Variants in PLEKHG6 observed in about 807,000 individuals in gnomAD.
PLEKHG6 encodes the protein pleckstrin homology domain-containing family G member 6.
A neutral mutation model predicts 97.5 loss-of-function variants in PLEKHG6; 91 were observed. That is an observed-to-expected ratio of 0.93 (90% CI 0.79 to 1.11). PLEKHG6 has a LOEUF of 1.11. PLEKHG6 is among the 50% of genes most tolerant of loss of function. PLEKHG6 has a pLI of 0.00. For missense variants in PLEKHG6, 1,044 were observed against 1,031.0 expected, an observed-to-expected ratio of 1.01 and a Z score of -0.17; for synonymous variants, 466 against 425.5, an observed-to-expected ratio of 1.10 and a Z score of -1.17.
At chr12:6,314,744 A>G (rs763529370) in intron 3 of PLEKHG6, among the ~76,000 whole-genome samples, 20 of 152,012 alleles carry the variant, frequency 1.3e-4, no homozygotes, top group Admixed American at 7.2e-4. Flanking sequence ...ACCCCTCTCC[A>G]GGGACCTTTC....
chr12:6,317,480 A>AGGCTGAGTTCACCACTAGGCAG, intron 8 of PLEKHG6, 67 bp downstream of exon 8: 1 of 1,611,672 alleles, frequency 6.2e-7, no homozygotes. Flanking sequence ...GCTGAGCCTG[A>AGGCTGAGTTCACCACTAGGCAG]GGCTGAGTTC....
rs186384085 is a variant in PLEKHG6 at position 6,317,835 on chromosome 12, C to A, written c.1018-22C>A. On this transcript the variant is annotated intron_variant, in intron 9 of 15. Coordinates refer to ENST00000684764, the MANE Select transcript of PLEKHG6 (RefSeq NM_001384598.1). Reference sequence around the variant, plus strand: ...GGGGACGGCTGAGCCGTCCCTCCTCCCACACCCCCAACCCCACCTAGATTG... The same window carrying A: ...GGGGACGGCTGAGCCGTCCCTCCTCACACACCCCCAACCCCACCTAGATTG... 2.0e-4 allele frequency: 311 copies of A among 1,542,584 alleles called. 2 individuals carry two copies. The African/African-American group carries it at 4.1e-3, about 20-fold the overall frequency.
chr12:6,327,435 C>T lies in PLEKHG6; in HGVS notation c.1852C>T (p.Arg618Cys), dbSNP rs1043225952. The T allele has an allele frequency of 3.7e-5, 60 of 1,613,892 alleles. 1 individual carries two copies. In the Admixed American group the frequency reaches 7.0e-4, roughly 19 times the overall value. The change falls in exon 15 of 16, where the codon CGC (arginine) becomes TGC (cysteine). Residue 618 changes from arginine (R) to cysteine (C), a missense_variant. Physicochemically the swap from Arg to Cys is radical, Grantham distance 180. Coordinates refer to ENST00000684764, the MANE Select transcript of PLEKHG6 (RefSeq NM_001384598.1). ...LRQRALRRDP[R>C]LTFSTLELRD... Reference sequence around the variant, plus strand: ...CCAAAGAGCCCTTCGGCGGGACCCTCGCCTCACCTTCTCCACCCTGGAACT... The same window carrying T: ...CCAAAGAGCCCTTCGGCGGGACCCTTGCCTCACCTTCTCCACCCTGGAACT...
rs938491990 is a variant in PLEKHG6 at position 6,315,809 on chromosome 12, G to A, written c.556-60G>A. The A allele has an allele frequency of 7.0e-7, 1 of 1,426,536 alleles. No individual in the cohort carries two copies. Among genetic ancestry groups the A allele is most frequent in the Non-Finnish European group, 9.6e-7 (1 of 1,041,614 alleles). The allele number at this position is 1,426,536 out of a possible 1,614,324, so 88.4% of individuals were successfully genotyped here. A position where few individuals can be genotyped will look rare whatever the true frequency, so the allele number is the denominator to read the frequency against. ...GCAGTACTGAAGTTGGTGGGGGGTG[G>A]GAGGTGACGACACTGAAGGGCTGCG... On this transcript the variant is annotated intron_variant, in intron 5 of 15. Coordinates refer to ENST00000684764, the MANE Select transcript of PLEKHG6 (RefSeq NM_001384598.1). The surrounding 1 kb of genome is among the most constrained non-coding windows in gnomAD (Gnocchi z 4.5).
At chr12:6,317,498 G>C (rs780192285) in intron 8 of PLEKHG6, 49 bp from the exon 9 acceptor site, 1 of 1,612,430 alleles carries the variant, frequency 6.2e-7, no homozygotes. Context: ...TTCACCACTA[G>C]GCAGGGCAGG....
In PLEKHG6 at chr12:6,327,914, C is replaced by T. The variant is rs1165531377; in HGVS notation, c.2331C>T (p.His777=). The T allele has an allele frequency of 3.4e-6, 5 of 1,482,478 alleles. No individual in the cohort carries two copies. The highest frequency in any genetic ancestry group is 4.5e-6 in the Non-Finnish European group (5 of 1,116,792). The allele number at this position is 1,482,478 out of a possible 1,614,324, so 91.8% of individuals were successfully genotyped here. A position where few individuals can be genotyped will look rare whatever the true frequency, so the allele number is the denominator to read the frequency against. ...RAQLQRMRGP[H]IIQLDTPLSA... ...AGCTGCAGAGGATGCGGGGGCCCCA[C>T]ATCATTCAGCTGGACACCCCTCTGT... Residue 777 remains histidine, a synonymous_variant, in exon 15 of 16, where the codon CAC becomes CAT. Transcript: ENST00000684764.
chr12:6,322,466 G>A (rs1257749758), intron 13 of PLEKHG6, among the ~76,000 whole-genome samples: 3 of 152,162 alleles, frequency 2.0e-5, no homozygotes, highest in East Asian at 3.8e-4. Context: ...CCCTGCTTCC[G>A]GCTCGGTTCA....
At chr12:6,312,404 A>T (rs778671892) in intron 2 of PLEKHG6, 40 bp downstream of exon 2, 1 of 1,550,812 alleles carries the variant, frequency 6.4e-7, no homozygotes. Context: ...CTGGTGGGGC[A>T]GGAGGGAAGA....
intron 13 of PLEKHG6, chr12:6,319,347 C>G (rs1947619322): frequency 1.6e-6 from 1 of 633,732 alleles, no homozygotes; most frequent in East Asian, 2.8e-5. Flanking sequence ...ACTTGGGAGG[C>G]TGAGGCAGGA....
intron 13 of PLEKHG6, chr12:6,319,639 C>T: frequency 1.3e-6 from 2 of 1,536,022 alleles, no homozygotes; most frequent in Non-Finnish European, 1.7e-6. Flanking sequence ...CTGTGCCAGC[C>T]ACTGGGAGAG....
At position 6,315,691 on chromosome 12, in the gene PLEKHG6, C is replaced by A. The variant is rs1482673506; in HGVS notation, c.555+42C>A. ...CCCAGCCCCGGCCCCATCTTCCCTGCATGAGCCCCCATCCTCCCAGACTGG... is the reference window on the plus strand; with the variant it reads ...CCCAGCCCCGGCCCCATCTTCCCTGAATGAGCCCCCATCCTCCCAGACTGG... On this transcript the variant is annotated intron_variant, in intron 5 of 15. Transcript: ENST00000684764. This position sits in a 1 kb window ranked among gnomAD's most constrained non-coding sequence, Gnocchi z 4.5. 7.6e-7 allele frequency: 1 copy of A among 1,321,312 alleles called. No homozygotes were observed. The highest frequency in any genetic ancestry group is 1.1e-6 in the Non-Finnish European group (1 of 945,262). The allele number at this position is 1,321,312 out of a possible 1,614,324, so 81.8% of individuals were successfully genotyped here.
chr12:6,312,634 G>C, intron 2 of PLEKHG6: 1 of 1,259,648 alleles, frequency 7.9e-7, no homozygotes, highest in Non-Finnish European at 1.0e-6. Context: ...CTCAGACAAA[G>C]AGCTGCGGGT....
In PLEKHG6 at chr12:6,313,799, C is replaced by G. The variant is rs775728532; in HGVS notation, c.294+15C>G. ...CCAAACTCAAGGTAAGGGGGTCCCT[C>G]TCCTCCCATCCCCACACATACGGCC... On this transcript the variant is annotated intron_variant, in intron 3 of 15. Coordinates refer to ENST00000684764, the MANE Select transcript of PLEKHG6 (RefSeq NM_001384598.1). 6.5e-7 allele frequency: 1 copy of G among 1,549,030 alleles called. No individual in the cohort carries two copies. Among genetic ancestry groups the G allele is most frequent in the South Asian group, 1.2e-5 (1 of 80,902 alleles).
At chr12:6,312,655 A>C in intron 2 of PLEKHG6, 1 of 1,218,500 alleles carries the variant, frequency 8.2e-7, no homozygotes, top group South Asian at 2.5e-5. Flanking sequence ...AAGGTCATCA[A>C]ACCCCAGAGC....
At chr12:6,319,349 G>A (rs1333992966) in intron 13 of PLEKHG6, 6 of 635,356 alleles carry the variant, frequency 9.4e-6, no homozygotes, top group African/African-American at 9.1e-5. Flanking sequence ...TTGGGAGGCT[G>A]AGGCAGGAGA....
chr12:6,323,945 C>T (rs1271650508), intron 13 of PLEKHG6, among the ~76,000 whole-genome samples: 1 of 152,088 alleles, frequency 6.6e-6, no homozygotes, highest in Non-Finnish European at 1.5e-5. Flanking sequence ...TTTAGTCCGG[C>T]ACTGGGGAGT....
chr12:6,325,528 G>T (rs1947832660), intron 13 of PLEKHG6, among the ~76,000 whole-genome samples: 1 of 152,180 alleles, frequency 6.6e-6, no homozygotes, highest in Non-Finnish European at 1.5e-5. Context: ...ATAATATAAT[G>T]CGTCCTCTCC....
At position 6,327,695 on chromosome 12, in the gene PLEKHG6, C is replaced by T. The variant is rs201842103; in HGVS notation, c.2112C>T (p.Ala704=). The T allele has an allele frequency of 5.3e-5, 82 of 1,560,376 alleles. No individual in the cohort carries two copies. Among genetic ancestry groups the T allele is most frequent in the East Asian group, 1.1e-4 (5 of 44,092 alleles). ...CCTCCCCAACCCATGCTGACTCTGC[C>T]GGGGAAAGCCCCTGGGAGTCCTCAG... The part of the protein sequence containing the change: ...LPSSPTHADS[A]GESPWESSGE... Residue 704 remains alanine, a synonymous_variant, in exon 15 of 16, where the codon GCC becomes GCT. Coordinates refer to ENST00000684764, the MANE Select transcript of PLEKHG6 (RefSeq NM_001384598.1).
At chr12:6,312,416 A>T (rs1364791380) in intron 2 of PLEKHG6, 52 bp downstream of exon 2, 1 of 1,526,782 alleles carries the variant, frequency 6.5e-7, no homozygotes, top group Non-Finnish European at 8.8e-7. Context: ...GAGGGAAGAC[A>T]CCTAGGCTGT....
Sources: gnomAD v4.1 joint callset for allele counts (sites outside exome capture counted in the v4.1 genomes callset) on GRCh38, gnomAD v4.1.1 for gene constraint, Gnocchi (gnomAD v3.1) non-coding constraint, MANE v1.5 for transcripts, NCBI Gene and HGNC (gene_info 2026-07-23, HGNC 2026-07-21) for gene names.